The following CDH4 variants were observed in gnomAD, a reference collection of about 807,000 sequenced individuals.
The protein encoded by CDH4 is cadherin-4.
A neutral mutation model predicts 86.0 loss-of-function variants in CDH4; 33 were observed. The ratio of observed to expected loss-of-function variants is 0.38; its 90% CI spans 0.29 to 0.51. The LOEUF is 0.51. CDH4 is among the 20% of genes least tolerant of loss of function. The pLI, the probability that CDH4 is intolerant of heterozygous loss-of-function variation, is 0.86. For missense variants in CDH4, 1,114 were observed against 1,307.4 expected, an observed-to-expected ratio of 0.85 and a Z score of 2.28; for synonymous variants, 555 against 549.4, an observed-to-expected ratio of 1.01 and a Z score of -0.14.
At chr20:61,512,887 G>C (rs1441461642) in intron 2 of CDH4, among the ~76,000 whole-genome samples, 1 of 152,256 alleles carries the variant, frequency 6.6e-6, no homozygotes, top group Non-Finnish European at 1.5e-5. Context: ...ATTTGTGATT[G>C]AGCTTGTTCA....
chr20:61,581,838 G>A (rs984725420), intron 2 of CDH4, among the ~76,000 whole-genome samples: 4 of 152,290 alleles, frequency 2.6e-5, no homozygotes, highest in South Asian at 2.1e-4. Context: ...GCCTGGAGCC[G>A]CTACCGTGAG....
intron 4 of CDH4, among the ~76,000 whole-genome samples, chr20:61,801,088 A>C (rs1189868579): frequency 6.6e-6 from 1 of 151,614 alleles, no homozygotes; most frequent in African/African-American, 2.4e-5. Flanking sequence ...TGAGAAACCC[A>C]CCTTCTGCAG....
At chr20:61,412,616 G>C (rs982793879) in intron 2 of CDH4, among the ~76,000 whole-genome samples, 2 of 152,126 alleles carry the variant, frequency 1.3e-5, no homozygotes, top group Non-Finnish European at 2.9e-5. Flanking sequence ...TTAGATCCTA[G>C]GGTGCTAACT....
intron 4 of CDH4, among the ~76,000 whole-genome samples, chr20:61,786,374 A>G (rs1276718379): frequency 6.6e-6 from 1 of 152,114 alleles, no homozygotes; most frequent in Non-Finnish European, 1.5e-5. Flanking sequence ...CCCGGCAGCC[A>G]GACACAGCGC....
chr20:61,656,284 GGC>G (rs2087188245), intron 2 of CDH4, among the ~76,000 whole-genome samples: 1 of 125,680 alleles, frequency 8.0e-6, no homozygotes, highest in African/African-American at 3.4e-5. Flanking sequence ...GGGGTGGGCA[GGC>G]GCGTGCTGGG....
chr20:61,844,910 A>G (rs1911716166), intron 5 of CDH4, 87 bp downstream of exon 5: 7 of 1,337,210 alleles, frequency 5.2e-6, no homozygotes, highest in Admixed American at 4.4e-5. Context: ...CAGCAGGGCC[A>G]TGCCTGCCCT....
At chr20:61,643,220 G>C (rs564980360) in intron 2 of CDH4, among the ~76,000 whole-genome samples, 1 of 152,276 alleles carries the variant, frequency 6.6e-6, no homozygotes, top group Non-Finnish European at 1.5e-5. Context: ...GGTGTAGAGA[G>C]AGCCAGACTG....
At chr20:61,797,662 C>A (rs567612666) in intron 4 of CDH4, among the ~76,000 whole-genome samples, 29 of 152,278 alleles carry the variant, frequency 1.9e-4, no homozygotes, top group African/African-American at 6.7e-4. Context: ...TGGGGCACAC[C>A]TGTAGTCCCA....
chr20:61,636,876 C>A (rs59267096), intron 2 of CDH4, among the ~76,000 whole-genome samples: 3,030 of 152,278 alleles, frequency 0.02, 99 homozygotes, highest in African/African-American at 0.069. Context: ...GGGCAGCTAG[C>A]TGGGGGCCCA....
At chr20:61,391,784 G>C (rs2084987622) in intron 2 of CDH4, among the ~76,000 whole-genome samples, 1 of 152,162 alleles carries the variant, frequency 6.6e-6, no homozygotes, top group African/African-American at 2.4e-5. Context: ...GATATTGTCT[G>C]TCCCTAATTA....
At chr20:61,351,509 T>C (rs1439624686) in intron 2 of CDH4, among the ~76,000 whole-genome samples, 1 of 152,154 alleles carries the variant, frequency 6.6e-6, no homozygotes, top group East Asian at 1.9e-4. Flanking sequence ...TTACTAGACA[T>C]ATAGTTCTGC....
At chr20:61,304,991 C>T (rs1366426688) in intron 2 of CDH4, among the ~76,000 whole-genome samples, 1 of 151,018 alleles carries the variant, frequency 6.6e-6, no homozygotes, top group Non-Finnish European at 1.5e-5. Context: ...GGTGTGTGTA[C>T]AGTGTGTTGC....
intron 2 of CDH4, among the ~76,000 whole-genome samples, chr20:61,527,851 C>T (rs747573059): frequency 5.3e-5 from 8 of 152,088 alleles, no homozygotes; most frequent in Non-Finnish European, 1.0e-4. Flanking sequence ...TCTGTCAGGG[C>T]AGCAGCACTG....
chr20:61,813,906 C>T (rs1317699613), intron 4 of CDH4, among the ~76,000 whole-genome samples: 2 of 152,184 alleles, frequency 1.3e-5, no homozygotes, highest in African/African-American at 4.8e-5. Flanking sequence ...CCCCTGGGAG[C>T]AGCTGAGGCC....
chr20:61,780,659 A>T (rs2145997625), intron 4 of CDH4, among the ~76,000 whole-genome samples: 1 of 152,358 alleles, frequency 6.6e-6, no homozygotes. Flanking sequence ...TAACACTCCT[A>T]TCAATAATAA....
intron 2 of CDH4, among the ~76,000 whole-genome samples, chr20:61,600,174 G>A (rs1600795935): frequency 6.6e-6 from 1 of 152,260 alleles, no homozygotes; most frequent in African/African-American, 2.4e-5. Context: ...GGGCGTGGCG[G>A]TGAGGCCGCT....
Position 61,676,414 on chromosome 20 carries a change from G to C in CDH4, c.170-67149G>C, listed in dbSNP as rs2087445002. Among the ~76,000 whole-genome samples the C allele has an allele frequency of 6.6e-6, 1 of 152,176 alleles. No individual in the cohort carries two copies. The highest frequency in any genetic ancestry group is 6.5e-5 in the Admixed American group (1 of 15,282). On this transcript the variant is annotated intron_variant, in intron 2 of 15. Transcript: ENST00000614565. This position sits in a 1 kb window ranked among gnomAD's most constrained non-coding sequence, Gnocchi z 4.5. ...AAGGCATCCATCTTTACCTGAAAAA[G>C]AAGGTGGATGGGGGAGGGATGGTGT...
rs559439298 is a variant in CDH4, at chr20:61,766,118, C to T, written c.397-6885C>T. 1.4e-4 allele frequency among the ~76,000 whole-genome samples: 22 copies of T among 151,982 alleles called. No individual in the cohort carries two copies. In the South Asian group the frequency reaches 3.1e-3, roughly 22 times the overall value. On this transcript the variant is annotated intron_variant, in intron 3 of 15. Coordinates refer to ENST00000614565, the MANE Select transcript of CDH4 (RefSeq NM_001794.5). ...ACACCTCCCTCCCTGGCAGGCCCCT[C>T]GGTCTGGGTCCAGGAGCCCACTTTG...
At chr20:61,525,109 T>G (rs2085900716) in intron 2 of CDH4, among the ~76,000 whole-genome samples, 1 of 152,196 alleles carries the variant, frequency 6.6e-6, no homozygotes, top group Admixed American at 6.5e-5. Context: ...AATGGTGCCT[T>G]TGCCAGACCT....
Sources: gnomAD v4.1 joint callset for allele counts (sites outside exome capture counted in the v4.1 genomes callset) on GRCh38, gnomAD v4.1.1 for gene constraint, Gnocchi (gnomAD v3.1) non-coding constraint, MANE v1.5 for transcripts, NCBI Gene and HGNC (gene_info 2026-07-23, HGNC 2026-07-21) for gene names.